The following ST3GAL3 variants were observed in gnomAD, a reference collection of about 807,000 sequenced individuals.
ST3GAL3 encodes ST3 beta-galactoside alpha-2,3-sialyltransferase 3.
ST3GAL3 carries 21 observed loss-of-function variants against 50.1 expected under a neutral mutation model. The ratio of observed to expected loss-of-function variants is 0.42; its 90% confidence interval spans 0.30 to 0.60. The LOEUF (loss-of-function observed/expected upper bound fraction) is 0.60, where lower values mean the gene tolerates loss of function less well. ST3GAL3 is among the 20% of genes least tolerant of loss of function. The pLI is 0.19. For synonymous variants in ST3GAL3, 183 were observed against 190.0 expected, an observed-to-expected ratio of 0.96 and a Z score of 0.30; for missense variants, 353 against 489.4, an observed-to-expected ratio of 0.72 and a Z score of 2.63.
intron 1 of ST3GAL3, among the ~76,000 whole-genome samples, chr1:43,734,669 G>A (rs1558062079): frequency 6.6e-6 from 1 of 151,906 alleles, no homozygotes; most frequent in African/African-American, 2.4e-5. Context: ...GTTGATTTTT[G>A]TAAATTAATC....
At chr1:43,857,765 G>A (rs1002837914) in intron 5 of ST3GAL3, among the ~76,000 whole-genome samples, 5 of 151,876 alleles carry the variant, frequency 3.3e-5, no homozygotes, top group Non-Finnish European at 7.4e-5. Flanking sequence ...ACAGGTGCCC[G>A]CCACTATGTC....
intron 5 of ST3GAL3, among the ~76,000 whole-genome samples, chr1:43,879,893 G>A (rs1043254700): frequency 1.3e-5 from 2 of 152,194 alleles, no homozygotes; most frequent in Admixed American, 6.5e-5. Context: ...CCCAAACGTG[G>A]TTGGATCCAT....
intron 2 of ST3GAL3, chr1:43,738,384 T>C (rs1205568144): frequency 6.6e-6 from 1 of 152,220 alleles, no homozygotes; most frequent in Non-Finnish European, 1.5e-5. Context: ...TTTGAATAGG[T>C]TGTTTAGACC....
intron 4 of ST3GAL3, 59 bp from the exon 5 acceptor site, chr1:43,838,160 T>C (rs2064743225): frequency 1.8e-6 from 2 of 1,089,576 alleles, no homozygotes; most frequent in Admixed American, 3.5e-5. Flanking sequence ...CCTTATGAAT[T>C]AATAACCCAC....
At chr1:43,818,832 G>C (rs977510309) in intron 4 of ST3GAL3, among the ~76,000 whole-genome samples, 3 of 150,548 alleles carry the variant, frequency 2.0e-5, no homozygotes, top group Non-Finnish European at 4.5e-5. Context: ...CAATAAAAGG[G>C]GTTAGCAGCA....
intron 1 of ST3GAL3, among the ~76,000 whole-genome samples, chr1:43,712,798 C>G (rs1342491739): frequency 6.6e-6 from 1 of 152,176 alleles, no homozygotes; most frequent in Non-Finnish European, 1.5e-5. Flanking sequence ...TGGCTACATC[C>G]TAAAGACACT....
intron 2 of ST3GAL3, among the ~76,000 whole-genome samples, chr1:43,766,241 C>T (rs1692917039): frequency 6.6e-6 from 1 of 152,136 alleles, no homozygotes; most frequent in Admixed American, 6.6e-5. Flanking sequence ...TTACTGCTGA[C>T]TGACAGCTTG....
chr1:43,861,943 G>A (rs756974812), intron 5 of ST3GAL3, among the ~76,000 whole-genome samples: 5 of 151,824 alleles, frequency 3.3e-5, no homozygotes, highest in Non-Finnish European at 7.4e-5. Context: ...CAGGAGAATC[G>A]CTTGAACTCG....
intron 6 of ST3GAL3, among the ~76,000 whole-genome samples, chr1:43,895,196 A>G (rs1570874487): frequency 6.6e-6 from 1 of 152,146 alleles, no homozygotes; most frequent in Admixed American, 6.5e-5. Flanking sequence ...ACGTCCCTCT[A>G]TCAGCCCATC....
chr1:43,828,105 A>C (rs1449881935), intron 4 of ST3GAL3, among the ~76,000 whole-genome samples: 1 of 152,204 alleles, frequency 6.6e-6, no homozygotes, highest in Non-Finnish European at 1.5e-5. Flanking sequence ...GACCCACACA[A>C]ATATAGTCTG....
At chr1:43,848,848 C>G (rs72888719) in intron 5 of ST3GAL3, among the ~76,000 whole-genome samples, 5,084 of 152,190 alleles carry the variant, frequency 0.033, 316 homozygotes, top group African/African-American at 0.12. Flanking sequence ...TCTTCTTTCT[C>G]TCTCTGCTTC....
intron 4 of ST3GAL3, among the ~76,000 whole-genome samples, chr1:43,825,264 G>A (rs2062637556): frequency 6.6e-6 from 1 of 152,056 alleles, no homozygotes; most frequent in Non-Finnish European, 1.5e-5. Context: ...ACTTTCTTTT[G>A]ATTCTAAATA....
chr1:43,724,039 A>G (rs1349585329), intron 1 of ST3GAL3, among the ~76,000 whole-genome samples: 1 of 152,156 alleles, frequency 6.6e-6, no homozygotes, highest in African/African-American at 2.4e-5. Flanking sequence ...AGCCTAAGAT[A>G]GCACCCTGAG....
At chr1:43,724,693 A>G (rs1382411884) in intron 1 of ST3GAL3, among the ~76,000 whole-genome samples, 1 of 152,220 alleles carries the variant, frequency 6.6e-6, no homozygotes, top group Non-Finnish European at 1.5e-5. Context: ...GTTATGGAGC[A>G]CAGTCATGGT....
At chr1:43,763,271 T>TA (rs2154123395) in intron 2 of ST3GAL3, among the ~76,000 whole-genome samples, 1 of 152,300 alleles carries the variant, frequency 6.6e-6, no homozygotes, top group South Asian at 2.1e-4. Flanking sequence ...CTGTTAGGTG[T>TA]AAAAAAGCAA....
chr1:43,920,149 C>G (rs1021089081), intron 9 of ST3GAL3: 1 of 534,864 alleles, frequency 1.9e-6, no homozygotes, highest in Admixed American at 3.0e-5. Context: ...TGTGCCTGCC[C>G]GACGACTCCC....
At chr1:43,767,934 C>T (rs546768986) in intron 2 of ST3GAL3, among the ~76,000 whole-genome samples, 1 of 150,320 alleles carries the variant, frequency 6.7e-6, no homozygotes, top group South Asian at 2.1e-4. Flanking sequence ...GAAAAATAAC[C>T]GAAGGTTGAA....
chr1:43,734,278 C>T (rs898755004), intron 1 of ST3GAL3, among the ~76,000 whole-genome samples: 2 of 139,692 alleles, frequency 1.4e-5, no homozygotes, highest in African/African-American at 5.2e-5. Flanking sequence ...TTTCTTTCTT[C>T]TCTTTCTTTC....
At chr1:43,908,079 G>A (rs1007969912) in intron 9 of ST3GAL3, among the ~76,000 whole-genome samples, 1 of 152,198 alleles carries the variant, frequency 6.6e-6, no homozygotes, top group Non-Finnish European at 1.5e-5. Context: ...ACAGCGCTGG[G>A]TTCTAGGGAT....
Sources: allele counts gnomAD v4.1 joint callset (sites outside exome capture counted in the v4.1 genomes callset), GRCh38; gene constraint gnomAD v4.1.1; transcripts MANE v1.5; gene names NCBI Gene and HGNC (gene_info 2026-07-23, HGNC 2026-07-21).